The following COL28A1 variants were observed in gnomAD, a reference collection of about 807,000 sequenced individuals.
COL28A1 encodes collagen type XXVIII alpha 1 chain.
Under a neutral mutation model 150.2 loss-of-function variants are expected in COL28A1, and 161 were observed. The ratio of observed to expected loss-of-function variants is 1.07; its 90% CI spans 0.94 to 1.22. The LOEUF is 1.22. Among genes scored for constraint, COL28A1 ranks in the 50% most tolerant of loss-of-function variants. COL28A1 has a pLI of 0.00. For missense variants in COL28A1, 1,617 were observed against 1,388.3 expected, an observed-to-expected ratio of 1.16 and a Z score of -2.62; for synonymous variants, 552 against 469.7, an observed-to-expected ratio of 1.18 and a Z score of -2.26.
chr7:7,422,712 C>G (rs1784442280), intron 25 of COL28A1, among the ~76,000 whole-genome samples: 2 of 152,044 alleles, frequency 1.3e-5, no homozygotes, highest in African/African-American at 4.8e-5. Context: ...ACCACCCTAC[C>G]TATCAATATT....
intron 27 of COL28A1, among the ~76,000 whole-genome samples, chr7:7,402,658 A>T (rs1783274367): frequency 6.6e-6 from 1 of 152,224 alleles, no homozygotes; most frequent in Middle Eastern, 3.2e-3. Flanking sequence ...TTTATAAAGT[A>T]AAGGGACAAC....
chr7:7,535,726 T>C (rs1019733154), intron 1 of COL28A1, 24 bp downstream of exon 1: 7 of 152,334 alleles, frequency 4.6e-5, no homozygotes, highest in African/African-American at 1.7e-4. Flanking sequence ...TTCAAGTGAC[T>C]AAAATAAATC....
intron 14 of COL28A1, 69 bp downstream of exon 14, chr7:7,477,043 T>C: frequency 3.6e-6 from 3 of 833,174 alleles, no homozygotes; most frequent in Non-Finnish European, 6.3e-6. Flanking sequence ...CTAGGACACA[T>C]TTTTAAAATT....
intron 27 of COL28A1, among the ~76,000 whole-genome samples, chr7:7,393,353 C>G (rs771642045): frequency 5.9e-5 from 9 of 152,162 alleles, no homozygotes; most frequent in Non-Finnish European, 1.2e-4. Context: ...AGACGGGTAC[C>G]CACCAGATGC....
the COL28A1 span, among the ~76,000 whole-genome samples, chr7:7,541,812 C>T: frequency 4.6e-5 from 7 of 152,134 alleles, no homozygotes; most frequent in Non-Finnish European, 8.8e-5. Flanking sequence ...AAATCCATAA[C>T]TCATTCACTT....
Position 7,419,935 on chromosome 7 carries a change from C to T in COL28A1, c.2017G>A (p.Gly673Ser). 3 of 1,599,378 alleles carry T rather than the reference C, an allele frequency of 1.9e-6. No homozygotes were observed. The highest frequency in any genetic ancestry group is 2.6e-6 in the Non-Finnish European group (3 of 1,173,658). The change falls in exon 26 of 35, where the codon GGC becomes AGC. Residue 673 changes from glycine to serine, a missense_variant. Coordinates refer to ENST00000399429, the MANE Select transcript of COL28A1 (RefSeq NM_001037763.3). Reference protein sequence around the residue: ...TGAKGEPGVRGPPGPSGPRGV... With the variant: ...TGAKGEPGVRSPPGPSGPRGV... ...CGAGGCCCAGAAGGACCTGGAGGGC[C>T]TCTGACCCCAGGCTCTCCCTGAAAA... is the stretch of plus-strand genomic sequence containing the variant.
intron 12 of COL28A1, among the ~76,000 whole-genome samples, chr7:7,490,071 G>C (rs983827855): frequency 2.0e-5 from 3 of 152,120 alleles, no homozygotes; most frequent in South Asian, 4.1e-4. Context: ...TTCAAAATAG[G>C]CACTTCTGCT....
chr7:7,473,427 A>G (rs1788594389), intron 15 of COL28A1, among the ~76,000 whole-genome samples: 1 of 152,222 alleles, frequency 6.6e-6, no homozygotes, highest in African/African-American at 2.4e-5. Context: ...GCCAACAAAC[A>G]TGAAAAAATG....
At chr7:7,536,062 T>C (rs1782623656), upstream of COL28A1, among the ~76,000 whole-genome samples, 1 of 152,184 alleles carries the variant, frequency 6.6e-6, no homozygotes, top group African/African-American at 2.4e-5. Flanking sequence ...CTTTCTACAT[T>C]TTAGGCATTG....
chr7:7,413,017 G>A (rs934866443), intron 27 of COL28A1, among the ~76,000 whole-genome samples: 1 of 151,984 alleles, frequency 6.6e-6, no homozygotes. Flanking sequence ...ACAGATGGGG[G>A]GAGATATCAT....
intron 15 of COL28A1, among the ~76,000 whole-genome samples, chr7:7,463,421 T>C (rs751290769): frequency 3.9e-5 from 6 of 152,146 alleles, no homozygotes; most frequent in Non-Finnish European, 8.8e-5. Context: ...TTGAAATCTT[T>C]CCTGTATAGG....
chr7:7,527,680 C>A (rs577755060), intron 3 of COL28A1, among the ~76,000 whole-genome samples: 1 of 152,102 alleles, frequency 6.6e-6, no homozygotes, highest in African/African-American at 2.4e-5. Context: ...GGGAAAGGGT[C>A]TCATGACAGC....
At chr7:7,409,692 G>T (rs1040689697) in intron 27 of COL28A1, among the ~76,000 whole-genome samples, 1 of 151,874 alleles carries the variant, frequency 6.6e-6, no homozygotes, top group Non-Finnish European at 1.5e-5. Flanking sequence ...TTTTTCTTTT[G>T]GAATTTGGAA....
chr7:7,367,006 T>C (rs2128281162), intron 33 of COL28A1, among the ~76,000 whole-genome samples: 1 of 152,378 alleles, frequency 6.6e-6, no homozygotes, highest in South Asian at 2.1e-4. Context: ...AGTCAAGTGC[T>C]GCATAATGAC....
At chr7:7,398,907 C>T (rs1412366034) in intron 27 of COL28A1, among the ~76,000 whole-genome samples, 1 of 152,132 alleles carries the variant, frequency 6.6e-6, no homozygotes, top group Admixed American at 6.5e-5. Flanking sequence ...CCGATGCCTC[C>T]GTTGGTGCTC....
At chr7:7,386,721 G>C (rs1342440089) in intron 27 of COL28A1, among the ~76,000 whole-genome samples, 5 of 152,192 alleles carry the variant, frequency 3.3e-5, no homozygotes, top group Non-Finnish European at 7.3e-5. Context: ...TCAAGAGAAA[G>C]ACTGGGGCCA....
intron 31 of COL28A1, 117 bp downstream of exon 31, chr7:7,375,344 T>G: frequency 2.1e-6 from 2 of 959,556 alleles, no homozygotes; most frequent in South Asian, 3.4e-5. Flanking sequence ...TCAAATGAGC[T>G]TCACATTTTC....
Position 7,532,885 on chromosome 7 carries a change from T to C in COL28A1, c.-10A>G, listed in dbSNP as rs1782450243. 3.8e-6 allele frequency: 6 copies of C among 1,591,678 alleles called. No homozygotes were observed. Among genetic ancestry groups the C allele is most frequent in the South Asian group, 1.2e-5 (1 of 85,848 alleles). ...AATATCTGTTCCACATTATGGTAGA[T>C]GGTGAAAAATCATCTGTCTTGTAGC... On this transcript the variant is annotated 5_prime_UTR_variant, in exon 2 of 35. Transcript: ENST00000399429.
At chr7:7,422,010 T>G (rs1193978105) in intron 25 of COL28A1, among the ~76,000 whole-genome samples, 1 of 152,182 alleles carries the variant, frequency 6.6e-6, no homozygotes, top group Admixed American at 6.5e-5. Context: ...ACATTTCCAT[T>G]AGCACTCCTT....
Sources: allele counts gnomAD v4.1 joint callset (sites outside exome capture counted in the v4.1 genomes callset), GRCh38; gene constraint gnomAD v4.1.1; transcripts MANE v1.5; gene names NCBI Gene and HGNC (gene_info 2026-07-23, HGNC 2026-07-21).